The following CDK14 variants were observed in gnomAD, a reference collection of about 807,000 sequenced individuals.
The protein encoded by CDK14 is cyclin dependent kinase 14.
CDK14 carries 34 observed loss-of-function variants against 60.7 expected under a neutral mutation model. That is an observed-to-expected ratio of 0.56 (90% confidence interval 0.43 to 0.75). The LOEUF (loss-of-function observed/expected upper bound fraction) is 0.75. Among genes scored for constraint, CDK14 ranks in the 30% least tolerant of loss-of-function variants. CDK14 has a pLI of 0.00. For missense variants in CDK14, 482 were observed against 564.1 expected (o/e 0.85, Z 1.47); for synonymous variants, 197 against 203.7 (o/e 0.97, Z 0.28).
At chr7:90,790,919 G>A (rs1433666666) in intron 5 of CDK14, among the ~76,000 whole-genome samples, 1 of 152,140 alleles carries the variant, frequency 6.6e-6, no homozygotes, top group Non-Finnish European at 1.5e-5. Flanking sequence ...GAGGAATTTT[G>A]TATGTCTGCT....
At chr7:91,201,201 T>C (rs1353320974) in intron 14 of CDK14, among the ~76,000 whole-genome samples, 1 of 152,194 alleles carries the variant, frequency 6.6e-6, no homozygotes, top group Non-Finnish European at 1.5e-5. Flanking sequence ...ATTTTTTTCT[T>C]GAAGAGAAAC....
At chr7:90,797,247 A>G (rs979027744) in intron 5 of CDK14, among the ~76,000 whole-genome samples, 1 of 151,716 alleles carries the variant, frequency 6.6e-6, no homozygotes, top group African/African-American at 2.4e-5. Context: ...AATGAGGGCA[A>G]TGAGGAAAGA....
intron 5 of CDK14, among the ~76,000 whole-genome samples, chr7:90,793,199 G>A (rs1441788522): frequency 1.3e-5 from 2 of 152,148 alleles, no homozygotes; most frequent in Non-Finnish European, 2.9e-5. Flanking sequence ...AGTGACTTAA[G>A]GAAAATCATT....
At chr7:90,931,443 C>T (rs1291157368) in intron 8 of CDK14, among the ~76,000 whole-genome samples, 1 of 152,202 alleles carries the variant, frequency 6.6e-6, no homozygotes, top group Non-Finnish European at 1.5e-5. Context: ...CAGAACTCAA[C>T]ACCTTTTAAA....
chr7:90,976,071 G>C (rs1045465629), intron 9 of CDK14, among the ~76,000 whole-genome samples: 2 of 152,106 alleles, frequency 1.3e-5, no homozygotes, highest in Non-Finnish European at 2.9e-5. Context: ...GGGATGGCTA[G>C]CTCATATGGT....
At chr7:90,975,649 C>A (rs951030037) in intron 9 of CDK14, among the ~76,000 whole-genome samples, 1 of 152,024 alleles carries the variant, frequency 6.6e-6, no homozygotes, top group Non-Finnish European at 1.5e-5. Flanking sequence ...TTCCTTCTGG[C>A]TGTAATTTTG....
chr7:90,831,703 C>A (rs1244262719), intron 5 of CDK14, among the ~76,000 whole-genome samples: 1 of 151,562 alleles, frequency 6.6e-6, no homozygotes, highest in Non-Finnish European at 1.5e-5. Context: ...TTTTTTTTCC[C>A]CCACCCTTTT....
At chr7:90,747,657 G>T in intron 3 of CDK14, 24 bp from the exon 4 acceptor site, 3 of 1,387,788 alleles carry the variant, frequency 2.2e-6, no homozygotes, top group Non-Finnish European at 3.0e-6. Flanking sequence ...AATCTGTTTT[G>T]TTTACCCTGT....
intron 9 of CDK14, among the ~76,000 whole-genome samples, chr7:90,976,358 T>C (rs1314819459): frequency 6.6e-6 from 1 of 151,806 alleles, no homozygotes; most frequent in Non-Finnish European, 1.5e-5. Context: ...GTCCCCCCGC[T>C]TTTTTTTCTT....
At chr7:90,684,812 T>A (rs1268729128) in intron 2 of CDK14, among the ~76,000 whole-genome samples, 1 of 152,160 alleles carries the variant, frequency 6.6e-6, no homozygotes, top group Non-Finnish European at 1.5e-5. Context: ...CATTTATCCA[T>A]CTACCCACCC....
intron 8 of CDK14, among the ~76,000 whole-genome samples, chr7:90,919,837 C>T (rs1793194144): frequency 6.6e-6 from 1 of 152,210 alleles, no homozygotes; most frequent in African/African-American, 2.4e-5. Context: ...CTGTACTGAA[C>T]ATCCTTGTAG....
intron 14 of CDK14, among the ~76,000 whole-genome samples, chr7:91,142,204 A>G (rs1201874554): frequency 6.6e-6 from 1 of 152,158 alleles, no homozygotes; most frequent in Non-Finnish European, 1.5e-5. Flanking sequence ...TTTTTTCTGC[A>G]TCTCATTTTT....
intron 14 of CDK14, among the ~76,000 whole-genome samples, chr7:91,121,086 G>C (rs1799770338): frequency 6.6e-6 from 1 of 152,192 alleles, no homozygotes; most frequent in African/African-American, 2.4e-5. Context: ...ATTATATCTT[G>C]TGGAATGGCC....
chr7:90,697,354 G>A (rs1466190319), intron 2 of CDK14, among the ~76,000 whole-genome samples: 7 of 152,054 alleles, frequency 4.6e-5, no homozygotes, highest in Non-Finnish European at 1.0e-4. Context: ...GCATTGTGGT[G>A]CTAAAAAAAA....
At chr7:90,810,326 C>G (rs893744011) in intron 5 of CDK14, among the ~76,000 whole-genome samples, 1 of 151,962 alleles carries the variant, frequency 6.6e-6, no homozygotes, top group Non-Finnish European at 1.5e-5. Flanking sequence ...ATATGCAAAT[C>G]AAAAAAACGT....
At chr7:90,655,054 C>T (rs138664519) in intron 2 of CDK14, among the ~76,000 whole-genome samples, 252 of 152,208 alleles carry the variant, frequency 1.7e-3, no homozygotes, top group African/African-American at 6.0e-3. Flanking sequence ...TTTGCCTTTT[C>T]CAGATGTTAT....
chr7:91,110,823 A>G (rs575748723), intron 12 of CDK14, among the ~76,000 whole-genome samples: 1 of 152,336 alleles, frequency 6.6e-6, no homozygotes, highest in East Asian at 1.9e-4. Context: ...ACTGTTCACC[A>G]TAATTAACTA....
At chr7:90,931,214 A>G (rs746304698) in intron 8 of CDK14, among the ~76,000 whole-genome samples, 1 of 152,220 alleles carries the variant, frequency 6.6e-6, no homozygotes, top group Non-Finnish European at 1.5e-5. Context: ...TTTGAAATGC[A>G]CCTAAGTTGA....
Position 91,207,375 on chromosome 7 carries a change from A to T in CDK14, c.*239A>T, listed in dbSNP as rs1802936041. 5 of 152,432 alleles carry T rather than the reference A, an allele frequency of 3.3e-5. No individual in the cohort carries two copies. The South Asian group carries it at 1.0e-3, about 32-fold the overall frequency. The allele number at this position is 152,432 out of a possible 1,614,324, so 9.4% of individuals were successfully genotyped here. A position where few individuals can be genotyped will look rare whatever the true frequency, so the allele number is the denominator to read the frequency against. On this transcript the variant is annotated 3_prime_UTR_variant, in exon 15 of 15. Transcript: ENST00000380050. ...TGTGATTTCCAAGAACTACGTGAAG[A>T]TTAAGCTTTGCTTACTGATACATGG...
Sources: allele counts gnomAD v4.1 joint callset (sites outside exome capture counted in the v4.1 genomes callset), GRCh38; gene constraint gnomAD v4.1.1; transcripts MANE v1.5; gene names NCBI Gene and HGNC (gene_info 2026-07-23, HGNC 2026-07-21).